APP: variants seen among roughly 807,000 people sequenced by gnomAD.
APP encodes the protein amyloid beta precursor protein, also known as amyloid-beta precursor protein.
APP carries 31 observed loss-of-function variants against 101.4 expected under a neutral mutation model. The observed-to-expected ratio is 0.31, with a 90% CI of 0.23 to 0.41. The LOEUF (loss-of-function observed/expected upper bound fraction) is 0.41, where lower values mean the gene tolerates loss of function less well. Among genes scored for constraint, APP ranks in the 10% least tolerant of loss-of-function variants. The pLI, the probability that APP is intolerant of heterozygous loss-of-function variation, is 1.00. For missense variants in APP, 839 were observed against 1,003.7 expected, an observed-to-expected ratio of 0.84 and a Z score of 2.22; for synonymous variants, 366 against 364.4, an observed-to-expected ratio of 1.00 and a Z score of -0.05.
At chr21:26,082,686 GA>G (rs2061621795) in intron 3 of APP, among the ~76,000 whole-genome samples, 1 of 152,010 alleles carries the variant, frequency 6.6e-6, no homozygotes, top group South Asian at 2.1e-4. Flanking sequence ...TCTTATCCTT[GA>G]AATCTTGGCT....
chr21:25,884,303 T>C (rs1312617493), intron 17 of APP, among the ~76,000 whole-genome samples: 1 of 152,170 alleles, frequency 6.6e-6, no homozygotes, highest in African/African-American at 2.4e-5. Context: ...CTTACTCCAA[T>C]GACAGACCTA....
intron 1 of APP, among the ~76,000 whole-genome samples, chr21:26,134,745 A>C (rs1206881973): frequency 1.3e-5 from 2 of 152,226 alleles, no homozygotes; most frequent in Non-Finnish European, 2.9e-5. Context: ...CTAACCCTCT[A>C]ATCACATGGT....
chr21:25,916,742 T>C (rs1385179461), intron 13 of APP, among the ~76,000 whole-genome samples: 2 of 152,198 alleles, frequency 1.3e-5, no homozygotes, highest in East Asian at 3.9e-4. Flanking sequence ...CCAAGACTTA[T>C]TTTTTCCCCT....
chr21:25,986,481 G>A (rs182515427), intron 8 of APP, among the ~76,000 whole-genome samples: 6 of 152,158 alleles, frequency 3.9e-5, no homozygotes, highest in African/African-American at 1.2e-4. Context: ...CGAGGTGGAC[G>A]GAAGTTTGAG....
At position 25,964,974 on chromosome 21, in the gene APP, T is replaced by G. The variant is rs146405620; in HGVS notation, c.1459-9219A>C. 1.7e-4 allele frequency among the ~76,000 whole-genome samples: 26 copies of G among 152,278 alleles called. No individual in the cohort carries two copies. In the East Asian group the frequency reaches 2.1e-3, roughly 12 times the overall value. On this transcript the variant is annotated intron_variant, in intron 11 of 17. Coordinates refer to ENST00000346798, the MANE Select transcript of APP (RefSeq NM_000484.4). ...TGCTAGTTCTCAGAAATAATTTATTTTGGTTGTTCAGACCACAGTCATAAA... is the reference window on the plus strand; with the variant it reads ...TGCTAGTTCTCAGAAATAATTTATTGTGGTTGTTCAGACCACAGTCATAAA...
Position 25,881,522 on chromosome 21 carries a change from C to G in APP, c.*148G>C. On this transcript the variant is annotated 3_prime_UTR_variant, in exon 18 of 18. Coordinates refer to ENST00000346798, the MANE Select transcript of APP (RefSeq NM_000484.4). ...GGATTAATTCAAGTTCAGGCATCTA[C>G]TTGTGTTACAGCACAGCTGTCAAAA... is the stretch of plus-strand genomic sequence containing the variant. 4.7e-6 allele frequency: 4 copies of G among 849,674 alleles called. No homozygotes were observed. The highest frequency in any genetic ancestry group is 5.9e-6 in the Non-Finnish European group (3 of 511,336). The allele number at this position is 849,674 out of a possible 1,614,324, so 52.6% of individuals were successfully genotyped here. A position where few individuals can be genotyped will look rare whatever the true frequency, so the allele number is the denominator to read the frequency against.
chr21:25,937,888 G>A (rs1264727362), intron 13 of APP: 1 of 152,230 alleles, frequency 6.6e-6, no homozygotes, highest in East Asian at 1.9e-4. Context: ...TCCAACCACA[G>A]CCTCCTGACT....
At chr21:26,131,322 A>C (rs943837029) in intron 1 of APP, among the ~76,000 whole-genome samples, 2 of 152,126 alleles carry the variant, frequency 1.3e-5, no homozygotes, top group African/African-American at 4.8e-5. Flanking sequence ...GTAAAACAAA[A>C]CACTTCATTA....
chr21:26,162,559 G>A (rs1287362220), intron 1 of APP, among the ~76,000 whole-genome samples: 2 of 151,904 alleles, frequency 1.3e-5, no homozygotes, highest in Non-Finnish European at 2.9e-5. Context: ...TGAGGGGCAG[G>A]TCTAAAACAC....
chr21:26,041,580 A>T (rs1158700017), intron 5 of APP, among the ~76,000 whole-genome samples: 1 of 152,112 alleles, frequency 6.6e-6, no homozygotes, highest in Non-Finnish European at 1.5e-5. Context: ...CTCATTCAGC[A>T]ATATCCTGTT....
chr21:25,898,303 G>A (rs1001922979), intron 15 of APP, among the ~76,000 whole-genome samples: 1 of 152,150 alleles, frequency 6.6e-6, no homozygotes. Context: ...GCAACTAACA[G>A]AATTTATAAC....
At chr21:25,898,929 A>T (rs1476757484) in intron 15 of APP, among the ~76,000 whole-genome samples, 1 of 152,198 alleles carries the variant, frequency 6.6e-6, no homozygotes, top group African/African-American at 2.4e-5. Context: ...TGAAAAGCAC[A>T]ATGTCCACAG....
At chr21:25,884,773 T>C (rs527432505) in intron 17 of APP, among the ~76,000 whole-genome samples, 1 of 152,332 alleles carries the variant, frequency 6.6e-6, no homozygotes, top group South Asian at 2.1e-4. Flanking sequence ...ACAATGCTGC[T>C]TGATTGTTGG....
chr21:25,902,610 CCTT>C (rs1444696418), intron 15 of APP, among the ~76,000 whole-genome samples: 1 of 146,178 alleles, frequency 6.8e-6, no homozygotes, highest in Non-Finnish European at 1.5e-5. Flanking sequence ...AGAATTGTTC[CCTT>C]CTTCTTTGCC....
chr21:25,901,319 C>A lies in APP; in HGVS notation c.1964-3646G>T, dbSNP rs199869187. ...TTTAAAAAAAAAAAAAAAAAAAAAA[C>A]AAAACCAAGAGCTCTCCACTAAAAA... On this transcript the variant is annotated intron_variant, in intron 15 of 17. Transcript: ENST00000346798. 6.7e-3 allele frequency among the ~76,000 whole-genome samples: 659 copies of A among 98,660 alleles called. 46 individuals carry two copies. The highest frequency in any genetic ancestry group is 9.4e-3 in the East Asian group (32 of 3,392). The allele number at this position is 98,660 out of a possible 152,430, so 64.7% of individuals were successfully genotyped here.
intron 1 of APP, among the ~76,000 whole-genome samples, chr21:26,162,166 A>G (rs1478020037): frequency 6.6e-6 from 1 of 152,178 alleles, no homozygotes; most frequent in Non-Finnish European, 1.5e-5. Context: ...CATCTCTACA[A>G]AACATTTAAG....
Position 26,058,961 on chromosome 21 carries a change from G to A in APP, c.356-5613C>T, listed in dbSNP as rs909806291. Among the ~76,000 whole-genome samples, 9 of 151,802 alleles carry A rather than the reference G, an allele frequency of 5.9e-5. No homozygotes were observed. The South Asian group carries it at 1.5e-3, about 25-fold the overall frequency. ...CCGGGCGTGGTAGCGGGCGCCTGTA[G>A]TCCCAGCTACTCGGGAGGCTGAGGC... On this transcript the variant is annotated intron_variant, in intron 3 of 17. Transcript: ENST00000346798.
intron 3 of APP, among the ~76,000 whole-genome samples, chr21:26,082,337 TATTAA>T (rs941975046): frequency 7.2e-5 from 11 of 152,220 alleles, no homozygotes; most frequent in Middle Eastern, 3.2e-3. Context: ...AAAAAACTCT[TATTAA>T]AATATAGTTT....
chr21:26,055,622 G>A (rs950229546), intron 3 of APP, among the ~76,000 whole-genome samples: 12 of 152,178 alleles, frequency 7.9e-5, no homozygotes, highest in African/African-American at 2.9e-4. Context: ...CTAGGTTACA[G>A]GAGGCCAGAA....
Sources: allele counts gnomAD v4.1 joint callset (sites outside exome capture counted in the v4.1 genomes callset), GRCh38; gene constraint gnomAD v4.1.1; transcripts MANE v1.5; gene names NCBI Gene and HGNC (gene_info 2026-07-23, HGNC 2026-07-21).